Variants in CENPN observed in about 807,000 individuals in gnomAD.
The protein encoded by CENPN is centromere protein N, also known as interphase centromere complex protein 32.
A neutral mutation model predicts 48.6 loss-of-function variants in CENPN; 36 were observed. The observed-to-expected ratio is 0.74, with a 90% CI of 0.57 to 0.98. The LOEUF is 0.98. Among genes scored for constraint, CENPN ranks in the 50% least tolerant of loss-of-function variants. The pLI is 0.00. For missense variants in CENPN, 439 were observed against 399.2 expected, an observed-to-expected ratio of 1.10 and a Z score of -0.85; for synonymous variants, 166 against 135.2, an observed-to-expected ratio of 1.23 and a Z score of -1.58.
At chr16:81,018,364 G>C (rs2011142) in intron 5 of CENPN, among the ~76,000 whole-genome samples, 21,124 of 151,794 alleles carry the variant, frequency 0.14, 1,622 homozygotes, top group Admixed American at 0.19. Flanking sequence ...AGTAGTGATG[G>C]GGTTTCTCCA....
At position 81,014,142 on chromosome 16, in the gene CENPN, C is replaced by A; in HGVS notation, c.178C>A (p.Arg60Ser). The A allele has an allele frequency of 6.2e-7, 1 of 1,612,892 alleles. No individual in the cohort carries two copies. The highest frequency in any genetic ancestry group is 8.5e-7 in the Non-Finnish European group (1 of 1,179,058). Reference protein sequence around the residue: ...QHLIHLCEEKRASISDAALLD... With the variant: ...QHLIHLCEEKSASISDAALLD... Reference sequence around the variant, plus strand: ...AATTTGTTTTCTCTTTTAGGAAAAGCGTGCAAGTATCAGTGATGCTGCCCT... The same window carrying A: ...AATTTGTTTTCTCTTTTAGGAAAAGAGTGCAAGTATCAGTGATGCTGCCCT... Residue 60 changes from arginine (R) to serine (S), a missense_variant, in exon 3 of 11, where the codon CGT becomes AGT. Transcript: ENST00000305850.
chr16:81,010,815 C>T (rs982167780), intron 1 of CENPN, among the ~76,000 whole-genome samples: 6 of 152,164 alleles, frequency 3.9e-5, no homozygotes, highest in African/African-American at 1.4e-4. Flanking sequence ...TCTAACACCC[C>T]ACATGTAATC....
rs890066993 is a variant in CENPN, at chr16:81,030,273, C to G, written c.*1622C>G. Reference sequence around the variant, plus strand: ...AAACATTTTAAAATCTATTCTTTATCTTGTTTCAGAGAGGATTTGGAGTTA... The same window carrying G: ...AAACATTTTAAAATCTATTCTTTATGTTGTTTCAGAGAGGATTTGGAGTTA... On this transcript the variant is annotated 3_prime_UTR_variant, in exon 11 of 11. Coordinates refer to ENST00000305850, the MANE Select transcript of CENPN (RefSeq NM_001100624.3). 4 of 985,442 alleles carry G rather than the reference C, an allele frequency of 4.1e-6. No homozygotes were observed. The highest frequency in any genetic ancestry group is 4.8e-6 in the Non-Finnish European group (4 of 829,934). The allele number at this position is 985,442 out of a possible 1,614,324, so 61.0% of individuals were successfully genotyped here.
intron 9 of CENPN, 90 bp downstream of exon 9, chr16:81,026,728 G>A (rs1970515394): frequency 5.3e-6 from 3 of 565,556 alleles, no homozygotes; most frequent in Middle Eastern, 5.2e-4. Flanking sequence ...CTAAGAAACT[G>A]TTCCTTTTTC....
intron 7 of CENPN, chr16:81,022,999 A>G (rs1440665496): frequency 3.3e-6 from 3 of 919,626 alleles, no homozygotes; most frequent in Admixed American, 6.0e-5. Context: ...ACTTCACATT[A>G]TCTTTTGAAG....
At chr16:81,032,572 CT>C, downstream of CENPN, 1 of 1,586,044 alleles carries the variant, frequency 6.3e-7, no homozygotes, top group Non-Finnish European at 8.6e-7. Flanking sequence ...TTTTTTAGCA[CT>C]TGTTTGCAGG....
intron 9 of CENPN, 127 bp from the exon 10 acceptor site, chr16:81,028,044 A>G: frequency 1.2e-6 from 1 of 839,150 alleles, no homozygotes; most frequent in South Asian, 1.7e-5. Context: ...AATGGTCCCC[A>G]CCCCTGTTAA....
chr16:81,010,224 G>C (rs78335439), intron 1 of CENPN, among the ~76,000 whole-genome samples: 2 of 152,090 alleles, frequency 1.3e-5, no homozygotes, highest in Non-Finnish European at 2.9e-5. Flanking sequence ...TAAATATCAT[G>C]TTTGCTTGCT....
At chr16:81,023,608 C>G (rs1970317584) in intron 7 of CENPN, 1 of 152,120 alleles carries the variant, frequency 6.6e-6, no homozygotes, top group Non-Finnish European at 1.5e-5. Context: ...ACCTACTACC[C>G]TCTCACCAAA....
chr16:81,022,987 A>T, intron 7 of CENPN: 1 of 1,012,826 alleles, frequency 9.9e-7, no homozygotes, highest in Non-Finnish European at 1.4e-6. Flanking sequence ...CTCTTTAGAG[A>T]AACTTCACAT....
At chr16:81,012,731 G>A (rs1230018598) in intron 2 of CENPN, among the ~76,000 whole-genome samples, 2 of 152,142 alleles carry the variant, frequency 1.3e-5, no homozygotes, top group Non-Finnish European at 2.9e-5. Flanking sequence ...GAGTAGCTGC[G>A]ACTACAGGCA....
chr16:81,008,222 G>T (rs1324642344), intron 1 of CENPN, among the ~76,000 whole-genome samples: 3 of 152,142 alleles, frequency 2.0e-5, no homozygotes, highest in South Asian at 4.1e-4. Context: ...TTAGACTGGC[G>T]TTCTGCAAAC....
intron 1 of CENPN, 92 bp from the exon 2 acceptor site, chr16:81,011,838 A>G (rs574593530): frequency 1.2e-4 from 133 of 1,080,128 alleles, no homozygotes; most frequent in Non-Finnish European, 1.5e-4. Flanking sequence ...CCCTGTCTCT[A>G]TTTTTCATAT....
At chr16:81,007,414 G>C (rs1394976514) in intron 1 of CENPN, 137 bp downstream of exon 1, 1 of 152,258 alleles carries the variant, frequency 6.6e-6, no homozygotes, top group Non-Finnish European at 1.5e-5. Flanking sequence ...TGGGTCTCGG[G>C]CTCGGGGCGA....
At chr16:81,014,988 G>T (rs982087913) in intron 3 of CENPN, among the ~76,000 whole-genome samples, 5 of 152,194 alleles carry the variant, frequency 3.3e-5, no homozygotes, top group African/African-American at 1.2e-4. Flanking sequence ...TAATGTAAGT[G>T]CTCTGAGCAC....
At chr16:81,025,317 C>G (rs1025873688) in intron 8 of CENPN, among the ~76,000 whole-genome samples, 1 of 152,014 alleles carries the variant, frequency 6.6e-6, no homozygotes, top group Non-Finnish European at 1.5e-5. Flanking sequence ...CTAGAAAACC[C>G]AAGAGAAAAG....
downstream of CENPN, chr16:81,031,499 C>G (rs1444877771): frequency 6.6e-6 from 1 of 152,188 alleles, no homozygotes; most frequent in Non-Finnish European, 1.5e-5. Context: ...GCAGTGTGGT[C>G]TTTTGCCCCT....
At chr16:81,021,303 C>T (rs561409131) in intron 6 of CENPN, among the ~76,000 whole-genome samples, 2 of 152,272 alleles carry the variant, frequency 1.3e-5, no homozygotes, top group African/African-American at 4.8e-5. Context: ...CCTTTAATAT[C>T]ACAGGCTTCC....
intron 6 of CENPN, 127 bp from the exon 7 acceptor site, chr16:81,022,470 T>C (rs1970259835): frequency 1.3e-6 from 1 of 769,646 alleles, no homozygotes; most frequent in African/African-American, 1.8e-5. Context: ...CAGATGTTTT[T>C]CTAGACTTCT....
Sources: gnomAD v4.1 joint callset for allele counts (sites outside exome capture counted in the v4.1 genomes callset) on GRCh38, gnomAD v4.1.1 for gene constraint, MANE v1.5 for transcripts, NCBI Gene and HGNC (gene_info 2026-07-23, HGNC 2026-07-21) for gene names.